ERBB3: variants seen among roughly 807,000 people sequenced by gnomAD.
The protein encoded by ERBB3 is erb-b2 receptor tyrosine kinase 3.
A neutral mutation model predicts 156.7 loss-of-function variants in ERBB3; 96 were observed. That is an observed-to-expected ratio of 0.61 (90% confidence interval 0.52 to 0.73). The LOEUF (loss-of-function observed/expected upper bound fraction) is 0.73, where lower values mean the gene tolerates loss of function less well. ERBB3 is among the 30% of genes least tolerant of loss of function. ERBB3 has a pLI of 0.00. For synonymous variants in ERBB3, 567 were observed against 632.0 expected (o/e 0.90, Z 1.54); for missense variants, 1,406 against 1,709.4 (o/e 0.82, Z 3.13).
chr12:56,086,624 C>T lies in ERBB3; in HGVS notation c.515C>T (p.Ala172Val). Residue 172 changes from alanine (A) to valine (V), a missense_variant, in exon 4 of 28, where the codon GCT becomes GTT. This residue lies in a region of ERBB3 where 979 missense variants were observed against 1,219.6 expected (regional missense o/e 0.80). Coordinates refer to ENST00000267101, the MANE Select transcript of ERBB3 (RefSeq NM_001982.4). ...AGGGACATCGTGAGGGACCGAGATG[C>T]TGAGATAGTGGTGAAGGACAATGGC... is the stretch of plus-strand genomic sequence containing the variant. ...DWRDIVRDRD[A>V]EIVVKDNGRS... is the part of the protein sequence containing the mutation. 1 of 1,614,110 alleles carries T rather than the reference C, an allele frequency of 6.2e-7. No homozygotes were observed. The highest frequency in any genetic ancestry group is 1.3e-5 in the African/African-American group (1 of 75,042).
rs1286427512 is a variant in ERBB3 at position 56,093,328 on chromosome 12, T to C, written c.1275-17T>C. On this transcript the variant is annotated splice_polypyrimidine_tract_variant and intron_variant, in intron 11 of 27. Coordinates refer to ENST00000267101, the MANE Select transcript of ERBB3 (RefSeq NM_001982.4). Reference sequence around the variant, plus strand: ...CCCTTAGTAGTCTCTCCTCTCATCCTGTCTCCTTATTCTCAGCCGGGGCTT... The same window carrying C: ...CCCTTAGTAGTCTCTCCTCTCATCCCGTCTCCTTATTCTCAGCCGGGGCTT... 6.2e-7 allele frequency: 1 copy of C among 1,605,708 alleles called. No individual in the cohort carries two copies. Among genetic ancestry groups the C allele is most frequent in the Admixed American group, 1.7e-5 (1 of 60,008 alleles).
chr12:56,095,379 G>T, intron 16 of ERBB3, 69 bp downstream of exon 16: 1 of 1,289,796 alleles, frequency 7.8e-7, no homozygotes, highest in South Asian at 1.2e-5. Flanking sequence ...GTTACCTGGA[G>T]AGAAGAGGGA....
In ERBB3 at chr12:56,091,283, T is replaced by TATATATAAATAATATATATAAATATAA. The variant is rs1565858483; in HGVS notation, c.1110-1457_1110-1456insAATAATATATATAAATATAAATATATA. Among the ~76,000 whole-genome samples, 26 of 51,728 alleles carry TATATATAAATAATATATATAAATATAA rather than the reference T, an allele frequency of 5.0e-4. No homozygotes were observed. In the South Asian group the frequency reaches 5.8e-3, roughly 12 times the overall value. 33.9% of individuals were successfully genotyped at this position (51,728 alleles called of 152,430 possible). ...GGCTAATTTTATATATATATATATA[T>TATATATAAATAATATATATAAATATAA]ATATATATATATAAATAATATATAT... On this transcript the variant is annotated intron_variant, in intron 9 of 27. Coordinates refer to ENST00000267101, the MANE Select transcript of ERBB3 (RefSeq NM_001982.4).
chr12:56,089,501 A>G (rs1319222916), intron 9 of ERBB3, among the ~76,000 whole-genome samples: 1 of 152,114 alleles, frequency 6.6e-6, no homozygotes, highest in Non-Finnish European at 1.5e-5. Flanking sequence ...TAATCCCAGC[A>G]CTTTGGGAGG....
chr12:56,083,608 T>G, intron 1 of ERBB3, 143 bp from the exon 2 acceptor site: 1 of 852,710 alleles, frequency 1.2e-6, no homozygotes, highest in Non-Finnish European at 2.0e-6. Flanking sequence ...GCCTATCGCT[T>G]GTGGGAGGGT....
At chr12:56,100,447 G>C (rs1330041139) in intron 26 of ERBB3, 1 of 600,410 alleles carries the variant, frequency 1.7e-6, no homozygotes, top group Non-Finnish European at 3.0e-6. Flanking sequence ...TTTGAGACCA[G>C]CCTGGCCAAC....
intron 1 of ERBB3, among the ~76,000 whole-genome samples, chr12:56,081,377 C>T (rs1482121693): frequency 6.6e-6 from 1 of 152,208 alleles, no homozygotes; most frequent in Non-Finnish European, 1.5e-5. Context: ...GACTGAAGTT[C>T]TGTGGATCTC....
At position 56,095,365 on chromosome 12, in the gene ERBB3, G is replaced by C; in HGVS notation, c.1913+55G>C. 4 of 1,447,204 alleles carry C rather than the reference G, an allele frequency of 2.8e-6. No homozygotes were observed. In the South Asian group the frequency reaches 4.6e-5, roughly 16 times the overall value. 89.6% of individuals were successfully genotyped at this position (1,447,204 alleles called of 1,614,324 possible). On this transcript the variant is annotated intron_variant, in intron 16 of 27. Transcript: ENST00000267101. Reference sequence around the variant, plus strand: ...GGGGATATTTGGGAGTTGGGAGAGAGGTGGTTACCTGGAGAGAAGAGGGAG... The same window carrying C: ...GGGGATATTTGGGAGTTGGGAGAGACGTGGTTACCTGGAGAGAAGAGGGAG...
Position 56,098,924 on chromosome 12 carries a change from C to T in ERBB3, c.2839+19C>T. 1.2e-6 allele frequency: 2 copies of T among 1,606,774 alleles called. No homozygotes were observed. Among genetic ancestry groups the T allele is most frequent in the Non-Finnish European group, 1.7e-6 (2 of 1,177,246 alleles). ...GTCAAGTGTGAGTTACCTGCTGAGCCCAACCATTTTCTCTTTTTTTCTTTT... is the reference window on the plus strand; with the variant it reads ...GTCAAGTGTGAGTTACCTGCTGAGCTCAACCATTTTCTCTTTTTTTCTTTT... On this transcript the variant is annotated intron_variant, in intron 23 of 27. Coordinates refer to ENST00000267101, the MANE Select transcript of ERBB3 (RefSeq NM_001982.4).
chr12:56,095,595 A>G (rs1868862746), intron 16 of ERBB3, 70 bp from the exon 17 acceptor site: 1 of 1,573,302 alleles, frequency 6.4e-7, no homozygotes, highest in Non-Finnish European at 8.7e-7. Context: ...TACCTTCAAC[A>G]CAAGTATAGT....
chr12:56,091,317 A>ATT, intron 9 of ERBB3, among the ~76,000 whole-genome samples: 1 of 77,472 alleles, frequency 1.3e-5, no homozygotes, highest in African/African-American at 5.0e-5. Flanking sequence ...ATAAATATAA[A>ATT]TATATATATA....
chr12:56,080,841 A>G (rs1868345588), intron 1 of ERBB3, among the ~76,000 whole-genome samples: 1 of 152,152 alleles, frequency 6.6e-6, no homozygotes, highest in African/African-American at 2.4e-5. Flanking sequence ...GAGCTACAGA[A>G]GGTTGGAGGG....
At chr12:56,085,338 A>C in intron 3 of ERBB3, 157 bp downstream of exon 3, 2 of 1,497,422 alleles carry the variant, frequency 1.3e-6, no homozygotes, top group Non-Finnish European at 1.8e-6. Context: ...TAAGCAATAG[A>C]GGGCCCCCAG....
intron 20 of ERBB3, 76 bp downstream of exon 20, chr12:56,097,306 A>G: frequency 6.8e-7 from 1 of 1,461,420 alleles, no homozygotes; most frequent in South Asian, 1.2e-5. Context: ...GAGAAGGTTG[A>G]AGTTCTGAGA....
At chr12:56,094,078 T>C (rs768950621) in intron 13 of ERBB3, 21 bp from the exon 14 acceptor site, 136 of 1,579,928 alleles carry the variant, frequency 8.6e-5, no homozygotes, top group Non-Finnish European at 9.9e-5. Flanking sequence ...GACCCCCCCC[T>C]CCCTTTATTC....
chr12:56,082,559 CT>C (rs1429444459), intron 1 of ERBB3, among the ~76,000 whole-genome samples: 1 of 152,068 alleles, frequency 6.6e-6, no homozygotes, highest in Non-Finnish European at 1.5e-5. Flanking sequence ...GTCTCCCTCC[CT>C]CCATTCCCAC....
rs1200363001 is a variant in ERBB3 at position 56,095,309 on chromosome 12, G to A, written c.1912G>A (p.Gly638Ser). The A allele has an allele frequency of 5.6e-6, 9 of 1,612,578 alleles. No individual in the cohort carries two copies. Among genetic ancestry groups the A allele is most frequent in the East Asian group, 4.5e-5 (2 of 44,888 alleles). ...DCLGQTLVLI[G>S]KTHLTMALTV... ...TTTAGGACAAACACTGGTGCTGATC[G>A]GGTATGATGGGGTTGGAGATTCTGG... The change falls in exon 16 of 28, where the codon GGC becomes AGC. Residue 638 changes from glycine to serine, a missense_variant and splice_region_variant. This residue lies in a region of ERBB3 where 979 missense variants were observed against 1,219.6 expected (regional missense o/e 0.80). Coordinates refer to ENST00000267101, the MANE Select transcript of ERBB3 (RefSeq NM_001982.4).
In ERBB3 at chr12:56,101,523, C is replaced by T; in HGVS notation, c.3503-6C>T. 1.9e-6 allele frequency: 3 copies of T among 1,613,292 alleles called. 1 individual carries two copies. The Middle Eastern group carries it at 5.0e-4, about 270-fold the overall frequency. On this transcript the variant is annotated splice_polypyrimidine_tract_variant and splice_region_variant and intron_variant, in intron 27 of 27. Coordinates refer to ENST00000267101, the MANE Select transcript of ERBB3 (RefSeq NM_001982.4). ...CACATACCTAGCCTTTCTTCTCAACCCCCAGGTACTCCCTCCTCCCGGGAA... is the reference window on the plus strand; with the variant it reads ...CACATACCTAGCCTTTCTTCTCAACTCCCAGGTACTCCCTCCTCCCGGGAA...
chr12:56,087,529 C>A, intron 4 of ERBB3, 48 bp from the exon 5 acceptor site: 1 of 1,497,552 alleles, frequency 6.7e-7, no homozygotes, highest in Admixed American at 1.7e-5. Flanking sequence ...TTAAAACAAG[C>A]CTTTCTTAGC....
Sources: gnomAD v4.1 joint callset for allele counts (sites outside exome capture counted in the v4.1 genomes callset) on GRCh38, gnomAD v4.1.1 for gene constraint, gnomAD v4.1.1 regional missense constraint, MANE v1.5 for transcripts, NCBI Gene and HGNC (gene_info 2026-07-23, HGNC 2026-07-21) for gene names.